The following STK24 variants were observed in gnomAD, a reference collection of about 807,000 sequenced individuals.
The protein encoded by STK24 is serine/threonine-protein kinase 24.
Under a neutral mutation model 55.6 loss-of-function variants are expected in STK24, and 21 were observed. The observed-to-expected ratio is 0.38, with a 90% CI of 0.27 to 0.54. The LOEUF is 0.54. Among genes scored for constraint, STK24 ranks in the 20% least tolerant of loss-of-function variants. The probability of loss-of-function intolerance (pLI) is 0.79; values close to 1 mark genes in which losing one functional copy is unlikely to be tolerated. For synonymous variants in STK24, 200 were observed against 215.2 expected, an observed-to-expected ratio of 0.93 and a Z score of 0.62; for missense variants, 383 against 538.4, an observed-to-expected ratio of 0.71 and a Z score of 2.86.
chr13:98,458,760 C>T (rs564622411), intron 9 of STK24, among the ~76,000 whole-genome samples: 2 of 152,322 alleles, frequency 1.3e-5, no homozygotes, highest in East Asian at 3.9e-4. Context: ...GGACCCATCA[C>T]TGACTTCAGG....
intron 5 of STK24, among the ~76,000 whole-genome samples, chr13:98,471,630 T>G (rs1051904830): frequency 1.3e-5 from 2 of 152,196 alleles, no homozygotes; most frequent in Non-Finnish European, 2.9e-5. Context: ...TCTCTTTGTA[T>G]GCAAAGACAT....
intron 1 of STK24, among the ~76,000 whole-genome samples, chr13:98,574,796 T>C (rs954114147): frequency 6.6e-6 from 1 of 152,112 alleles, no homozygotes; most frequent in African/African-American, 2.4e-5. Context: ...GAGGCAAAGT[T>C]ATTAAGGAAA....
At chr13:98,458,584 A>G (rs1383878682) in intron 9 of STK24, among the ~76,000 whole-genome samples, 1 of 152,216 alleles carries the variant, frequency 6.6e-6, no homozygotes, top group African/African-American at 2.4e-5. Flanking sequence ...GTGTTTGTCT[A>G]GGACTCCCAA....
At chr13:98,543,830 A>C (rs1896960632) in intron 1 of STK24, among the ~76,000 whole-genome samples, 1 of 152,208 alleles carries the variant, frequency 6.6e-6, no homozygotes, top group African/African-American at 2.4e-5. Flanking sequence ...GCTGCCATCC[A>C]CGACTCAGTA....
In STK24 at chr13:98,553,833, G is replaced by C. The variant is rs564495323; in HGVS notation, c.42+22912C>G. 7.2e-5 allele frequency: 11 copies of C among 152,228 alleles called. No homozygotes were observed. The East Asian group carries it at 2.1e-3, about 29-fold the overall frequency. 9.4% of individuals were successfully genotyped at this position (152,228 alleles called of 1,614,324 possible). A position where few individuals can be genotyped will look rare whatever the true frequency, so the allele number is the denominator to read the frequency against. On this transcript the variant is annotated intron_variant, in intron 1 of 10. Coordinates refer to ENST00000539966, the MANE Select transcript of STK24 (RefSeq NM_001032296.4). ...TCCCAGCACTTTAGGAGGCCAAAGT[G>C]GGGGGATCGTCTGAGGTCAGGAATT... is the stretch of plus-strand genomic sequence containing the variant.
chr13:98,534,012 G>A (rs1007325458), intron 1 of STK24, among the ~76,000 whole-genome samples: 4 of 152,206 alleles, frequency 2.6e-5, no homozygotes, highest in Non-Finnish European at 4.4e-5. Context: ...CTAGTCTGCC[G>A]ACGCCTACCC....
At chr13:98,533,840 G>A (rs1473560699) in intron 1 of STK24, among the ~76,000 whole-genome samples, 1 of 152,018 alleles carries the variant, frequency 6.6e-6, no homozygotes, top group African/African-American at 2.4e-5. Flanking sequence ...GCTCCGCAAG[G>A]TCACAGTGCA....
At chr13:98,554,754 C>T (rs1897242627) in intron 1 of STK24, among the ~76,000 whole-genome samples, 3 of 152,154 alleles carry the variant, frequency 2.0e-5, no homozygotes, top group African/African-American at 7.2e-5. Flanking sequence ...GTGGCTCACA[C>T]CTATAATCCC....
chr13:98,576,305 GTGGGGGACGAGCC>G, intron 1 of STK24: 4 of 847,940 alleles, frequency 4.7e-6, no homozygotes, highest in Non-Finnish European at 5.7e-6. Flanking sequence ...CTGCCCGGGG[GTGGGGGACGAGCC>G]TGGGGGACGC....
intron 1 of STK24, among the ~76,000 whole-genome samples, chr13:98,539,068 G>A (rs574360907): frequency 1.3e-4 from 20 of 152,310 alleles, no homozygotes; most frequent in Middle Eastern, 3.4e-3. Flanking sequence ...GTACACAGCA[G>A]AGCACCCGCT....
intron 1 of STK24, among the ~76,000 whole-genome samples, chr13:98,565,200 G>T (rs142749443): frequency 5.9e-5 from 9 of 151,920 alleles, no homozygotes; most frequent in Non-Finnish European, 1.2e-4. Flanking sequence ...TCCTCGAGGC[G>T]GCAATACACC....
At position 98,576,016 on chromosome 13, in the gene STK24, G is replaced by A. The variant is rs1390315030; in HGVS notation, c.42+729C>T. The A allele has an allele frequency of 4.1e-6, 4 of 985,054 alleles. No individual in the cohort carries two copies. In the Admixed American group the frequency reaches 2.5e-4, roughly 61 times the overall value. The allele number at this position is 985,054 out of a possible 1,614,324, so 61.0% of individuals were successfully genotyped here. A position where few individuals can be genotyped will look rare whatever the true frequency, so the allele number is the denominator to read the frequency against. On this transcript the variant is annotated intron_variant, in intron 1 of 10. Coordinates refer to ENST00000539966, the MANE Select transcript of STK24 (RefSeq NM_001032296.4). ...GTACCGAAAGAGAGGTTTACTGGGC[G>A]AAGAATTCCTGTAAATGCAACCAAG...
intron 3 of STK24, among the ~76,000 whole-genome samples, chr13:98,479,584 C>T (rs765396358): frequency 4.6e-5 from 7 of 152,172 alleles, no homozygotes; most frequent in Non-Finnish European, 1.0e-4. Context: ...CGCTCTGATA[C>T]GTGGGGCCCG....
At chr13:98,561,508 G>A (rs1329098127) in intron 1 of STK24, among the ~76,000 whole-genome samples, 2 of 151,956 alleles carry the variant, frequency 1.3e-5, no homozygotes, top group Non-Finnish European at 2.9e-5. Flanking sequence ...CTTGAAGCCG[G>A]GAGGCAGAGG....
chr13:98,499,820 G>T (rs1895381505), intron 2 of STK24, among the ~76,000 whole-genome samples: 1 of 152,200 alleles, frequency 6.6e-6, no homozygotes, highest in African/African-American at 2.4e-5. Context: ...TCCCAACGGT[G>T]ACTGACTTCT....
chr13:98,474,828 T>A lies in STK24; in HGVS notation c.590A>T (p.Asp197Val). The A allele has an allele frequency of 6.2e-7, 1 of 1,610,526 alleles. No homozygotes were observed. The highest frequency in any genetic ancestry group is 8.5e-7 in the Non-Finnish European group (1 of 1,178,244). The change falls in exon 5 of 11, where the codon GAC (aspartate) becomes GTC (valine). Residue 197 changes from aspartate (D) to valine (V), a missense_variant. Asp to Val is a radical substitution (Grantham distance 152, BLOSUM62 -3). Coordinates refer to ENST00000539966, the MANE Select transcript of STK24 (RefSeq NM_001032296.4). ...CCCTCACCCTCCCCTCACCTTCGAG[T>A]CATAGGCCGACTGTTTGATGACCTC... ...APEVIKQSAY[D>V]SKADIWSLGI... is the part of the protein sequence containing the mutation.
At chr13:98,473,207 G>T (rs1280393063) in intron 5 of STK24, among the ~76,000 whole-genome samples, 55 of 132,694 alleles carry the variant, frequency 4.1e-4, no homozygotes, top group Non-Finnish European at 7.3e-4. Flanking sequence ...TTAAATGAAA[G>T]AATCAATATG....
At chr13:98,526,853 C>T (rs982421880) in intron 1 of STK24, among the ~76,000 whole-genome samples, 10 of 152,112 alleles carry the variant, frequency 6.6e-5, no homozygotes, top group Non-Finnish European at 1.5e-4. Context: ...CCCAGTAGTG[C>T]GGGTGTAGAA....
At chr13:98,576,019 G>C in intron 1 of STK24, 1 of 985,280 alleles carries the variant, frequency 1.0e-6, no homozygotes, top group Non-Finnish European at 1.2e-6. Context: ...ACTGGGCGAA[G>C]AATTCCTGTA....
Sources: gnomAD v4.1 joint callset for allele counts (sites outside exome capture counted in the v4.1 genomes callset) on GRCh38, gnomAD v4.1.1 for gene constraint, MANE v1.5 for transcripts, NCBI Gene and HGNC (gene_info 2026-07-23, HGNC 2026-07-21) for gene names.